The following EXOC6B variants were observed in gnomAD, a reference collection of about 807,000 sequenced individuals.
EXOC6B encodes the protein SEC15 homolog B.
EXOC6B carries 54 observed loss-of-function variants against 113.5 expected under a neutral mutation model. That is an observed-to-expected ratio of 0.48 (90% CI 0.38 to 0.60). EXOC6B has a LOEUF of 0.60. Ranked by LOEUF, EXOC6B falls within the 20% of genes least tolerant of loss-of-function variation. The pLI is 0.00. For synonymous variants in EXOC6B, 357 were observed against 339.0 expected, an observed-to-expected ratio of 1.05 and a Z score of -0.58; for missense variants, 797 against 977.5, an observed-to-expected ratio of 0.82 and a Z score of 2.46.
At chr2:72,213,444 C>T (rs1680322204) in intron 20 of EXOC6B, among the ~76,000 whole-genome samples, 1 of 152,126 alleles carries the variant, frequency 6.6e-6, no homozygotes, top group Non-Finnish European at 1.5e-5. Flanking sequence ...GGAGAGACAG[C>T]CATCTGTTTT....
intron 1 of EXOC6B, among the ~76,000 whole-genome samples, chr2:72,761,733 A>G (rs1043212981): frequency 3.3e-5 from 5 of 152,218 alleles, no homozygotes; most frequent in Non-Finnish European, 7.3e-5. Flanking sequence ...ACTAAAAACA[A>G]AAAGAAAAGA....
intron 20 of EXOC6B, among the ~76,000 whole-genome samples, chr2:72,249,820 CT>C (rs1445566550): frequency 1.3e-5 from 2 of 152,066 alleles, no homozygotes; most frequent in African/African-American, 4.8e-5. Context: ...AGACATTTAC[CT>C]AATTAATAGC....
At chr2:72,706,646 C>A (rs1678899698) in intron 6 of EXOC6B, among the ~76,000 whole-genome samples, 1 of 152,138 alleles carries the variant, frequency 6.6e-6, no homozygotes, top group East Asian at 1.9e-4. Context: ...CTTGGATTAT[C>A]TCTCAGAGAT....
In EXOC6B at chr2:72,631,424, GTGTATATATATATATATATA is replaced by G. The variant is rs1361315896; in HGVS notation, c.670-55776_670-55757del. ...TGTGTATATGTGTGTGTGTGTGTGT[GTGTATATATATATATATATA>G]TATATATATATATATATAGAGAGAG... On this transcript the variant is annotated intron_variant, in intron 6 of 21. Transcript: ENST00000272427. Among the ~76,000 whole-genome samples, 104 of 22,360 alleles carry G rather than the reference GTGTATATATATATATATATA, an allele frequency of 4.7e-3. 3 individuals are homozygous for G. Among genetic ancestry groups the G allele is most frequent in the Middle Eastern group, 0.036 (2 of 56 alleles). The allele number at this position is 22,360 out of a possible 152,430, so 14.7% of individuals were successfully genotyped here.
Position 72,514,658 on chromosome 2 carries a change from C to T in EXOC6B, c.1022G>A (p.Arg341Lys). The change falls in exon 10 of 22, where the codon AGG becomes AAG. Residue 341 changes from arginine (R) to lysine (K), a missense_variant. By Grantham distance (26) the Arg-to-Lys change is conservative. Transcript: ENST00000272427. ...SNMHETLDGY[R>K]KYFNQIVGFF... ...CCCTACAATTTGATTAAAATACTTC[C>T]TGTAGCCATCTAAAGTTTCATGCTG... 1.4e-6 allele frequency: 2 copies of T among 1,410,564 alleles called. No individual in the cohort carries two copies. Among genetic ancestry groups the T allele is most frequent in the South Asian group, 1.3e-5 (1 of 76,412 alleles). The allele number at this position is 1,410,564 out of a possible 1,614,324, so 87.4% of individuals were successfully genotyped here.
At chr2:72,748,032 T>C (rs1013040264) in intron 1 of EXOC6B, among the ~76,000 whole-genome samples, 9 of 151,954 alleles carry the variant, frequency 5.9e-5, no homozygotes, top group Non-Finnish European at 1.5e-5. Flanking sequence ...AAGATGAAGA[T>C]GGAAAAAGGT....
At chr2:72,300,694 C>T (rs1364096753) in intron 20 of EXOC6B, among the ~76,000 whole-genome samples, 1 of 152,224 alleles carries the variant, frequency 6.6e-6, no homozygotes, top group Non-Finnish European at 1.5e-5. Context: ...GTTGTGAAGA[C>T]CATGGGAAAA....
intron 20 of EXOC6B, among the ~76,000 whole-genome samples, chr2:72,185,124 G>A (rs964990550): frequency 2.0e-5 from 3 of 152,246 alleles, no homozygotes; most frequent in Admixed American, 1.3e-4. Context: ...AAAGCTTCTA[G>A]AAGGGGCACA....
intron 19 of EXOC6B, among the ~76,000 whole-genome samples, chr2:72,370,521 C>T (rs2105024457): frequency 6.6e-6 from 1 of 152,254 alleles, no homozygotes; most frequent in Non-Finnish European, 1.5e-5. Context: ...GGTATATACC[C>T]AAAGGAATAT....
intron 6 of EXOC6B, among the ~76,000 whole-genome samples, chr2:72,637,675 A>C (rs1672945556): frequency 6.6e-6 from 1 of 152,078 alleles, no homozygotes; most frequent in Non-Finnish European, 1.5e-5. Context: ...CTTTAGTCCC[A>C]GCTACTGGGG....
At chr2:72,582,019 C>A (rs768173566) in intron 6 of EXOC6B, among the ~76,000 whole-genome samples, 2 of 152,166 alleles carry the variant, frequency 1.3e-5, no homozygotes, top group Non-Finnish European at 2.9e-5. Context: ...GACCCATATG[C>A]ACCACCTACT....
intron 6 of EXOC6B, among the ~76,000 whole-genome samples, chr2:72,584,304 T>C (rs777099397): frequency 2.5e-4 from 37 of 150,532 alleles, no homozygotes; most frequent in Non-Finnish European, 5.3e-4. Context: ...GCTCAAGGGA[T>C]TTGGGCCTAC....
intron 20 of EXOC6B, among the ~76,000 whole-genome samples, chr2:72,263,021 G>C (rs530313271): frequency 5.1e-4 from 78 of 152,226 alleles, no homozygotes; most frequent in South Asian, 1.9e-3. Flanking sequence ...TCCAAAGTTG[G>C]GGGGGACAAT....
intron 20 of EXOC6B, among the ~76,000 whole-genome samples, chr2:72,190,919 T>G (rs1159086105): frequency 1.3e-5 from 2 of 152,196 alleles, no homozygotes; most frequent in African/African-American, 4.8e-5. Context: ...GTGTTAGATT[T>G]TTAGAGTAGG....
chr2:72,262,305 A>T (rs1683778484), intron 20 of EXOC6B, among the ~76,000 whole-genome samples: 1 of 152,000 alleles, frequency 6.6e-6, no homozygotes, highest in Non-Finnish European at 1.5e-5. Flanking sequence ...AGGATCTAGT[A>T]GCAGAGGATC....
At chr2:72,335,140 G>A (rs2104880765) in intron 19 of EXOC6B, 120 bp from the exon 20 acceptor site, 1 of 817,892 alleles carries the variant, frequency 1.2e-6, no homozygotes, top group East Asian at 2.5e-5. Context: ...CTTCTAAGGA[G>A]TCATGTCTCT....
At chr2:72,819,238 A>G (rs1412231161) in intron 1 of EXOC6B, among the ~76,000 whole-genome samples, 4 of 152,234 alleles carry the variant, frequency 2.6e-5, no homozygotes, top group African/African-American at 4.8e-5. Context: ...TAATATAATA[A>G]CATGCATATA....
intron 19 of EXOC6B, among the ~76,000 whole-genome samples, chr2:72,368,409 A>G (rs562547811): frequency 6.6e-6 from 1 of 152,280 alleles, no homozygotes; most frequent in South Asian, 2.1e-4. Context: ...GACCAGAGGG[A>G]TTCACAGCCA....
At chr2:72,474,840 A>G (rs1303087705) in intron 17 of EXOC6B, among the ~76,000 whole-genome samples, 1 of 151,950 alleles carries the variant, frequency 6.6e-6, no homozygotes, top group African/African-American at 2.4e-5. Flanking sequence ...TTTCTGTACC[A>G]TTATATTCAT....
Sources: gnomAD v4.1 joint callset for allele counts (sites outside exome capture counted in the v4.1 genomes callset) on GRCh38, gnomAD v4.1.1 for gene constraint, MANE v1.5 for transcripts, NCBI Gene and HGNC (gene_info 2026-07-23, HGNC 2026-07-21) for gene names.